AUTS2: variants seen among roughly 807,000 people sequenced by gnomAD.
The protein encoded by AUTS2 is activator of transcription and developmental regulator AUTS2.
A neutral mutation model predicts 112.4 loss-of-function variants in AUTS2; 17 were observed. That is an observed-to-expected ratio of 0.15 (90% CI 0.10 to 0.23). The LOEUF (loss-of-function observed/expected upper bound fraction) is 0.23, where lower values mean the gene tolerates loss of function less well. AUTS2 is among the 10% of genes least tolerant of loss of function. The pLI, the probability that AUTS2 is intolerant of heterozygous loss-of-function variation, is 1.00. For missense variants in AUTS2, 1,510 were observed against 1,701.6 expected (o/e 0.89, Z 1.98); for synonymous variants, 751 against 702.7 (o/e 1.07, Z -1.09).
At chr7:70,048,198 C>T (rs1453317001) in intron 2 of AUTS2, among the ~76,000 whole-genome samples, 1 of 152,136 alleles carries the variant, frequency 6.6e-6, no homozygotes, top group Non-Finnish European at 1.5e-5. Flanking sequence ...TAATGCTGTT[C>T]TCTCTCATGC....
At chr7:70,111,925 C>T (rs1396784585) in intron 2 of AUTS2, among the ~76,000 whole-genome samples, 3 of 151,952 alleles carry the variant, frequency 2.0e-5, no homozygotes, top group Non-Finnish European at 2.9e-5. Flanking sequence ...GGGTTCCCCC[C>T]AGATTATACT....
At chr7:70,322,068 T>C (rs10256062) in intron 4 of AUTS2, among the ~76,000 whole-genome samples, 44,554 of 151,928 alleles carry the variant, frequency 0.29, 6,845 homozygotes, top group Middle Eastern at 0.38. Context: ...TTAGATCTAA[T>C]ATGATTGTCT....
At chr7:70,024,524 A>G (rs1273156772) in intron 2 of AUTS2, among the ~76,000 whole-genome samples, 1 of 151,178 alleles carries the variant, frequency 6.6e-6, no homozygotes, top group East Asian at 1.9e-4. Flanking sequence ...TCTCTTCTCT[A>G]TTTTTCTTTT....
chr7:69,898,505 G>T (rs1442877680), intron 1 of AUTS2, among the ~76,000 whole-genome samples: 4 of 152,122 alleles, frequency 2.6e-5, no homozygotes, highest in Non-Finnish European at 4.4e-5. Context: ...TAAAAGCCCA[G>T]TCTGTTGGAA....
At chr7:70,060,765 C>G (rs1802209079) in intron 2 of AUTS2, among the ~76,000 whole-genome samples, 1 of 152,164 alleles carries the variant, frequency 6.6e-6, no homozygotes, top group African/African-American at 2.4e-5. Flanking sequence ...CGTGCTAGGC[C>G]ATGCAGGTAT....
chr7:70,587,342 A>G (rs1454797950), intron 5 of AUTS2, among the ~76,000 whole-genome samples: 1 of 152,120 alleles, frequency 6.6e-6, no homozygotes, highest in African/African-American at 2.4e-5. Context: ...CTCCCGGAGT[A>G]TTGGGATTAC....
At chr7:69,768,480 T>A (rs1788525228) in intron 1 of AUTS2, among the ~76,000 whole-genome samples, 1 of 152,176 alleles carries the variant, frequency 6.6e-6, no homozygotes, top group South Asian at 2.1e-4. Context: ...TCTTTTTGCA[T>A]GTGGTTAATA....
chr7:70,264,695 A>G (rs1212539989), intron 4 of AUTS2, among the ~76,000 whole-genome samples: 2 of 152,192 alleles, frequency 1.3e-5, no homozygotes, highest in Non-Finnish European at 2.9e-5. Context: ...GGTGAGTAAC[A>G]TGAGAGAATG....
chr7:70,427,585 A>G (rs2130775479), intron 4 of AUTS2, among the ~76,000 whole-genome samples: 1 of 152,338 alleles, frequency 6.6e-6, no homozygotes, highest in African/African-American at 2.4e-5. Flanking sequence ...CAAAGTGACA[A>G]AAAGGAAAAA....
chr7:69,656,169 C>T (rs541263459), intron 1 of AUTS2, among the ~76,000 whole-genome samples: 5 of 152,324 alleles, frequency 3.3e-5, no homozygotes, highest in South Asian at 2.1e-4. Flanking sequence ...TGGCAAATGG[C>T]CCCTCTGCCC....
intron 4 of AUTS2, among the ~76,000 whole-genome samples, chr7:70,435,436 A>C (rs1795852018): frequency 6.6e-6 from 1 of 152,166 alleles, no homozygotes; most frequent in African/African-American, 2.4e-5. Context: ...CATCGCCTCT[A>C]CCCTGCCATG....
intron 2 of AUTS2, among the ~76,000 whole-genome samples, chr7:69,972,637 A>C (rs937752600): frequency 1.3e-5 from 2 of 151,460 alleles, no homozygotes; most frequent in Non-Finnish European, 2.9e-5. Context: ...TATGAAACTT[A>C]GGTCAAAGTT....
chr7:69,841,622 G>A (rs1251069216), intron 1 of AUTS2, among the ~76,000 whole-genome samples: 2 of 152,176 alleles, frequency 1.3e-5, no homozygotes, highest in Non-Finnish European at 2.9e-5. Context: ...AAGAAAACTG[G>A]TATGTCTGAT....
Position 69,611,667 on chromosome 7 carries a change from A to T in AUTS2, c.309+11705A>T, listed in dbSNP as rs192639915. 4.0e-5 allele frequency among the ~76,000 whole-genome samples: 6 copies of T among 151,582 alleles called. No individual in the cohort carries two copies. The East Asian group carries it at 1.2e-3, about 29-fold the overall frequency. On this transcript the variant is annotated intron_variant, in intron 1 of 18. Coordinates refer to ENST00000342771, the MANE Select transcript of AUTS2 (RefSeq NM_015570.4). Reference sequence around the variant, plus strand: ...AATTGTAGGCCGGGCGCGGTGGCTCACGCCTGTAATCCCAGCACTTTGGGA... The same window carrying T: ...AATTGTAGGCCGGGCGCGGTGGCTCTCGCCTGTAATCCCAGCACTTTGGGA...
chr7:70,764,898 C>A lies in AUTS2; in HGVS notation c.1361C>A (p.Ser454Ter). 1 of 1,606,960 alleles carries A rather than the reference C, an allele frequency of 6.2e-7. No homozygotes were observed. Among genetic ancestry groups the A allele is most frequent in the Non-Finnish European group, 8.5e-7 (1 of 1,177,270 alleles). Residue 454 changes from serine (S) to a stop codon, truncating the protein, a stop_gained, in exon 8 of 19, where the codon TCA becomes TAA. Transcript: ENST00000342771. LOFTEE classifies it high-confidence loss of function. ...CCCACCCTCCAGCCCCCCGCACACT[C>A]ACATCACCCCAATATGTTTGCCCCT... ...FTPTLQPPAH[S>*]HHPNMFAPPT...
intron 2 of AUTS2, among the ~76,000 whole-genome samples, chr7:69,934,649 T>G (rs1796342587): frequency 6.6e-6 from 1 of 151,988 alleles, no homozygotes; most frequent in Admixed American, 6.5e-5. Context: ...GCAAACACTG[T>G]GTGTGTTTGG....
chr7:70,074,716 C>T (rs898984200), intron 2 of AUTS2, among the ~76,000 whole-genome samples: 1 of 152,182 alleles, frequency 6.6e-6, no homozygotes, highest in African/African-American at 2.4e-5. Flanking sequence ...CCTGTCTCAT[C>T]ATGGCACATG....
chr7:70,733,888 C>G (rs1787612457), intron 6 of AUTS2, among the ~76,000 whole-genome samples: 1 of 152,014 alleles, frequency 6.6e-6, no homozygotes, highest in African/African-American at 2.4e-5. Context: ...CGCCTGGCCT[C>G]TACATTAGTT....
At chr7:70,245,621 A>G (rs1421883799) in intron 4 of AUTS2, among the ~76,000 whole-genome samples, 1 of 152,140 alleles carries the variant, frequency 6.6e-6, no homozygotes, top group Non-Finnish European at 1.5e-5. Flanking sequence ...GTATGAATAT[A>G]CTATGGTTTA....
Sources: gnomAD v4.1 joint callset for allele counts (sites outside exome capture counted in the v4.1 genomes callset) on GRCh38, gnomAD v4.1.1 for gene constraint, MANE v1.5 for transcripts, NCBI Gene and HGNC (gene_info 2026-07-23, HGNC 2026-07-21) for gene names.